COBL: variants seen among roughly 807,000 people sequenced by gnomAD.
COBL encodes cordon-bleu WH2 repeat protein.
COBL carries 51 observed loss-of-function variants against 98.8 expected under a neutral mutation model. That is an observed-to-expected ratio of 0.52 (90% CI 0.41 to 0.65). The LOEUF (loss-of-function observed/expected upper bound fraction) is 0.65. Ranked by LOEUF, COBL falls within the 30% of genes least tolerant of loss-of-function variation. The probability of loss-of-function intolerance (pLI) is 0.00; values close to 1 mark genes in which losing one functional copy is unlikely to be tolerated. For missense variants in COBL, 1,617 were observed against 1,617.5 expected (o/e 1.00, Z 0.01); for synonymous variants, 634 against 651.7 (o/e 0.97, Z 0.41).
intron 7 of COBL, among the ~76,000 whole-genome samples, chr7:51,063,334 C>T (rs1791577205): frequency 6.6e-6 from 1 of 152,080 alleles, no homozygotes; most frequent in Non-Finnish European, 1.5e-5. Flanking sequence ...GGGGTTTTGC[C>T]ATATTGGCCA....
intron 1 of COBL, among the ~76,000 whole-genome samples, chr7:51,253,173 G>A (rs1463328891): frequency 5.9e-5 from 9 of 152,058 alleles, no homozygotes; most frequent in African/African-American, 1.2e-4. Flanking sequence ...GCAGTAAGCC[G>A]AGATGGGGCC....
chr7:51,242,746 G>C (rs1039508075), intron 1 of COBL, among the ~76,000 whole-genome samples: 5 of 152,140 alleles, frequency 3.3e-5, no homozygotes, highest in African/African-American at 1.2e-4. Flanking sequence ...TCTGAGAATT[G>C]GGCCCTGGAA....
chr7:51,134,681 A>G (rs548780920), intron 6 of COBL, among the ~76,000 whole-genome samples: 61 of 152,326 alleles, frequency 4.0e-4, no homozygotes, highest in South Asian at 1.5e-3. Context: ...AAGCAAAAAG[A>G]TATTCCCAGG....
chr7:51,240,228 A>G (rs568859426), intron 1 of COBL, among the ~76,000 whole-genome samples: 2 of 152,324 alleles, frequency 1.3e-5, no homozygotes, highest in East Asian at 3.9e-4. Flanking sequence ...TCACACTCAC[A>G]AGTGGTCCTG....
intron 1 of COBL, among the ~76,000 whole-genome samples, chr7:51,266,396 T>C (rs55692347): frequency 6.6e-6 from 1 of 151,970 alleles, no homozygotes; most frequent in Non-Finnish European, 1.5e-5. Flanking sequence ...CTGACCAACA[T>C]GGAGAAACCC....
chr7:51,063,738 A>G (rs1249386917), intron 7 of COBL, among the ~76,000 whole-genome samples: 1 of 152,230 alleles, frequency 6.6e-6, no homozygotes, highest in Non-Finnish European at 1.5e-5. Flanking sequence ...TTTTTTAAAA[A>G]GAAGAAATCA....
intron 1 of COBL, among the ~76,000 whole-genome samples, chr7:51,232,432 C>T (rs1475839698): frequency 2.6e-5 from 4 of 152,002 alleles, no homozygotes; most frequent in African/African-American, 9.7e-5. Context: ...CACTGATGAC[C>T]GAGAAAGCAG....
chr7:51,256,148 G>C (rs552460039), intron 1 of COBL, among the ~76,000 whole-genome samples: 2 of 152,272 alleles, frequency 1.3e-5, no homozygotes, highest in Admixed American at 1.3e-4. Flanking sequence ...AAGCACAAAG[G>C]CAGGAGTGTT....
intron 5 of COBL, among the ~76,000 whole-genome samples, chr7:51,161,313 C>T (rs1786780819): frequency 6.6e-6 from 1 of 152,184 alleles, no homozygotes; most frequent in Admixed American, 6.5e-5. Flanking sequence ...AATGCAGGCT[C>T]TCTGTAAGCA....
chr7:51,199,047 C>T (rs1156911771), intron 2 of COBL, among the ~76,000 whole-genome samples: 1 of 152,190 alleles, frequency 6.6e-6, no homozygotes, highest in African/African-American at 2.4e-5. Context: ...CCAAAAGTCC[C>T]ATCTTCCATT....
At chr7:51,224,276 A>G (rs1280608111) in intron 1 of COBL, among the ~76,000 whole-genome samples, 1 of 152,208 alleles carries the variant, frequency 6.6e-6, no homozygotes, top group Non-Finnish European at 1.5e-5. Context: ...ATGCTTATTG[A>G]TGATGATGAT....
chr7:51,168,779 A>G (rs1247497712), intron 5 of COBL, among the ~76,000 whole-genome samples: 2 of 152,368 alleles, frequency 1.3e-5, no homozygotes, highest in East Asian at 1.9e-4. Flanking sequence ...CATACCCAAA[A>G]GAAAGGAAAT....
chr7:51,121,119 A>G (rs2128989469), intron 6 of COBL, among the ~76,000 whole-genome samples: 1 of 152,296 alleles, frequency 6.6e-6, no homozygotes, highest in African/African-American at 2.4e-5. Context: ...TGGCTGCACC[A>G]TTTTACACTC....
At chr7:51,023,569 G>C (rs1048895208) in intron 12 of COBL, among the ~76,000 whole-genome samples, 1 of 152,318 alleles carries the variant, frequency 6.6e-6, no homozygotes, top group Non-Finnish European at 1.5e-5. Flanking sequence ...CGAATCAGTG[G>C]GCGCTCAGGC....
At chr7:51,107,858 G>T (rs2128972602) in intron 6 of COBL, among the ~76,000 whole-genome samples, 1 of 152,308 alleles carries the variant, frequency 6.6e-6, no homozygotes, top group South Asian at 2.1e-4. Flanking sequence ...ATCAAGCCAA[G>T]AGATTTAATA....
At chr7:51,072,819 C>T (rs184940358) in intron 7 of COBL, 26 of 152,306 alleles carry the variant, frequency 1.7e-4, no homozygotes, top group African/African-American at 6.0e-4. Flanking sequence ...AACACAAAGA[C>T]ATTGGGTCCT....
intron 1 of COBL, among the ~76,000 whole-genome samples, chr7:51,249,502 A>G (rs1010879735): frequency 6.6e-6 from 1 of 152,234 alleles, no homozygotes; most frequent in Admixed American, 6.5e-5. Context: ...TTAGACAAGG[A>G]AAGATTCCAA....
intron 5 of COBL, among the ~76,000 whole-genome samples, chr7:51,175,595 G>C (rs139336642): frequency 1.3e-4 from 20 of 152,286 alleles, no homozygotes; most frequent in Non-Finnish European, 2.9e-4. Context: ...GGTATCTCTT[G>C]CTCAGGAAAG....
chr7:51,052,814 T>C (rs2128898889), intron 7 of COBL, among the ~76,000 whole-genome samples: 1 of 152,320 alleles, frequency 6.6e-6, no homozygotes, highest in Non-Finnish European at 1.5e-5. Context: ...CCAACTTCTA[T>C]CCTTTTATCA....
Sources: allele counts gnomAD v4.1 joint callset (sites outside exome capture counted in the v4.1 genomes callset), GRCh38; gene constraint gnomAD v4.1.1; transcripts MANE v1.5; gene names NCBI Gene and HGNC (gene_info 2026-07-23, HGNC 2026-07-21).